The following ZNRF1 variants were observed in gnomAD, a reference collection of about 807,000 sequenced individuals.
The protein encoded by ZNRF1 is E3 ubiquitin-protein ligase ZNRF1.
A neutral mutation model predicts 18.4 loss-of-function variants in ZNRF1; 3 were observed. The ratio of observed to expected loss-of-function variants is 0.16; its 90% CI spans 0.07 to 0.42. The LOEUF is 0.42. Among genes scored for constraint, ZNRF1 ranks in the 10% least tolerant of loss-of-function variants. ZNRF1 has a pLI of 0.99. For missense variants in ZNRF1, 310 were observed against 329.8 expected (o/e 0.94, Z 0.47); for synonymous variants, 157 against 144.2 (o/e 1.09, Z -0.64).
intron 2 of ZNRF1, among the ~76,000 whole-genome samples, chr16:75,097,446 A>G (rs1411078874): frequency 6.6e-6 from 1 of 152,124 alleles, no homozygotes; most frequent in Non-Finnish European, 1.5e-5. Flanking sequence ...TTCTTATGTC[A>G]TGATGCCCTC....
chr16:75,083,860 G>T (rs1019698853), intron 1 of ZNRF1, among the ~76,000 whole-genome samples: 1 of 152,126 alleles, frequency 6.6e-6, no homozygotes, highest in Non-Finnish European at 1.5e-5. Context: ...ACAAGCAGCA[G>T]GAGTACTAGA....
chr16:75,104,878 C>A lies in ZNRF1; in HGVS notation c.615C>A (p.Ile205=). The A allele has an allele frequency of 6.2e-7, 1 of 1,602,618 alleles. No homozygotes were observed. Among genetic ancestry groups the A allele is most frequent in the Non-Finnish European group, 8.5e-7 (1 of 1,175,276 alleles). The part of the protein sequence containing the change: ...DTIARLPCLC[I]YHKSCIDSWF... ...TAGCCAGGCTGCCCTGCCTGTGCAT[C>A]TATCACAAAAGGTAGGAGGGGTTGG... The change falls in exon 3 of 5, where the codon ATC becomes ATA. Residue 205 remains isoleucine (I), a synonymous_variant. Coordinates refer to ENST00000335325, the MANE Select transcript of ZNRF1 (RefSeq NM_032268.5).
intron 1 of ZNRF1, among the ~76,000 whole-genome samples, chr16:75,084,008 G>T (rs888851705): frequency 6.6e-6 from 1 of 152,216 alleles, no homozygotes; most frequent in Non-Finnish European, 1.5e-5. Context: ...ATACAGTGCA[G>T]GTCAAGAGGT....
chr16:75,073,686 T>C (rs1368909932), intron 1 of ZNRF1, among the ~76,000 whole-genome samples: 1 of 152,200 alleles, frequency 6.6e-6, no homozygotes, highest in East Asian at 1.9e-4. Context: ...ATTTAATCCA[T>C]TGCTTGTGGC....
chr16:75,066,337 A>T (rs1266038220), intron 1 of ZNRF1, among the ~76,000 whole-genome samples: 2 of 152,194 alleles, frequency 1.3e-5, no homozygotes, highest in African/African-American at 4.8e-5. Context: ...ACCCTGTTAC[A>T]TCAGTAGACC....
At chr16:75,006,054 A>G (rs868256342) in intron 1 of ZNRF1, among the ~76,000 whole-genome samples, 5 of 152,224 alleles carry the variant, frequency 3.3e-5, no homozygotes, top group South Asian at 4.1e-4. Context: ...GTGTCTAAAC[A>G]TAGAAAAGGT....
At chr16:75,023,779 T>C (rs1006917752) in intron 1 of ZNRF1, among the ~76,000 whole-genome samples, 6 of 152,098 alleles carry the variant, frequency 3.9e-5, no homozygotes, top group African/African-American at 9.7e-5. Context: ...CCCCAACCTT[T>C]TTCTTTGGCC....
intron 1 of ZNRF1, among the ~76,000 whole-genome samples, chr16:75,043,078 G>C (rs1162993755): frequency 6.6e-6 from 1 of 152,146 alleles, no homozygotes; most frequent in African/African-American, 2.4e-5. Context: ...GAATAGAAGT[G>C]GGAGACTGTC....
At chr16:75,015,439 G>A (rs1199781453) in intron 1 of ZNRF1, among the ~76,000 whole-genome samples, 1 of 152,204 alleles carries the variant, frequency 6.6e-6, no homozygotes, top group Non-Finnish European at 1.5e-5. Flanking sequence ...GCTGGGCGTG[G>A]TGGCACATGC....
chr16:75,037,720 TA>T (rs1215210596), intron 1 of ZNRF1, among the ~76,000 whole-genome samples: 1 of 152,070 alleles, frequency 6.6e-6, no homozygotes, highest in Non-Finnish European at 1.5e-5. Context: ...TTTAACATTG[TA>T]AAAAATGGTT....
At chr16:75,044,728 G>A (rs1280053129) in intron 1 of ZNRF1, among the ~76,000 whole-genome samples, 2 of 152,156 alleles carry the variant, frequency 1.3e-5, no homozygotes, top group Non-Finnish European at 2.9e-5. Flanking sequence ...AGGCAGTATG[G>A]CCATATTTTT....
intron 1 of ZNRF1, among the ~76,000 whole-genome samples, chr16:75,074,714 A>T (rs916467069): frequency 1.3e-5 from 2 of 152,132 alleles, no homozygotes; most frequent in African/African-American, 2.4e-5. Context: ...AAGCTGGGTG[A>T]TGAGTACCTG....
chr16:75,104,739 C>T (rs1361391712), intron 2 of ZNRF1, 45 bp from the exon 3 acceptor site: 1 of 1,529,228 alleles, frequency 6.5e-7, no homozygotes, highest in South Asian at 1.2e-5. Flanking sequence ...GCCACCTGTC[C>T]ACTGGTGACT....
chr16:75,008,195 T>C (rs1171556134), intron 1 of ZNRF1, among the ~76,000 whole-genome samples: 2 of 152,154 alleles, frequency 1.3e-5, no homozygotes, highest in African/African-American at 4.8e-5. Context: ...TTTCAGTATT[T>C]CTAGTCAGAT....
chr16:75,001,699 A>C (rs1478959464), intron 1 of ZNRF1, among the ~76,000 whole-genome samples: 2 of 152,202 alleles, frequency 1.3e-5, no homozygotes, highest in Non-Finnish European at 2.9e-5. Context: ...AAAATCACAG[A>C]ATTTTTTGTG....
chr16:75,018,595 A>G (rs1288662292), intron 1 of ZNRF1, among the ~76,000 whole-genome samples: 1 of 152,134 alleles, frequency 6.6e-6, no homozygotes, highest in Non-Finnish European at 1.5e-5. Flanking sequence ...TACTTTGCTA[A>G]ATTATCACAA....
chr16:75,021,023 C>G (rs987284511), intron 1 of ZNRF1, among the ~76,000 whole-genome samples: 12 of 152,174 alleles, frequency 7.9e-5, no homozygotes, highest in African/African-American at 2.6e-4. Flanking sequence ...ATCGGTATTA[C>G]AATTCTACCT....
chr16:75,072,755 T>G (rs534296784), intron 1 of ZNRF1, among the ~76,000 whole-genome samples: 3 of 152,178 alleles, frequency 2.0e-5, no homozygotes, highest in South Asian at 4.2e-4. Context: ...AACCCCTCCT[T>G]TTGCAAGTAA....
At chr16:75,003,504 G>C (rs959041993) in intron 1 of ZNRF1, among the ~76,000 whole-genome samples, 24 of 152,118 alleles carry the variant, frequency 1.6e-4, no homozygotes, top group Admixed American at 1.6e-3. Flanking sequence ...CACCCCCATT[G>C]TGCAGGTAAG....
Sources: gnomAD v4.1 joint callset for allele counts (sites outside exome capture counted in the v4.1 genomes callset) on GRCh38, gnomAD v4.1.1 for gene constraint, MANE v1.5 for transcripts, NCBI Gene and HGNC (gene_info 2026-07-23, HGNC 2026-07-21) for gene names.